TNFAIP8: variants seen among roughly 807,000 people sequenced by gnomAD.
TNFAIP8 encodes the protein TNF alpha induced protein 8, also known as tumor necrosis factor alpha-induced protein 8.
A neutral mutation model predicts 13.3 loss-of-function variants in TNFAIP8; 7 were observed. The observed-to-expected ratio is 0.52, with a 90% CI of 0.30 to 0.99. The LOEUF is 0.99. TNFAIP8 is among the 50% of genes least tolerant of loss of function. The pLI is 0.07. For synonymous variants in TNFAIP8, 94 were observed against 87.6 expected (o/e 1.07, Z -0.41); for missense variants, 258 against 236.9 (o/e 1.09, Z -0.58).
chr5:119,304,469 A>G (rs940879968), intron 1 of TNFAIP8, among the ~76,000 whole-genome samples: 2 of 152,172 alleles, frequency 1.3e-5, no homozygotes, highest in South Asian at 2.1e-4. Flanking sequence ...TAAACACACA[A>G]TTCCCTATAA....
At chr5:119,304,832 C>G (rs550753306) in intron 1 of TNFAIP8, among the ~76,000 whole-genome samples, 45 of 152,288 alleles carry the variant, frequency 3.0e-4, no homozygotes, top group African/African-American at 1.0e-3. Flanking sequence ...CTGTTTAATA[C>G]AAATTGATTG....
At chr5:119,369,461 T>G (rs1343631978) in intron 1 of TNFAIP8, among the ~76,000 whole-genome samples, 1 of 152,170 alleles carries the variant, frequency 6.6e-6, no homozygotes, top group Non-Finnish European at 1.5e-5. Context: ...CGTCTTCTAG[T>G]TTTTATGATG....
At chr5:119,336,328 G>A (rs1029160514) in intron 1 of TNFAIP8, among the ~76,000 whole-genome samples, 3 of 152,122 alleles carry the variant, frequency 2.0e-5, no homozygotes, top group East Asian at 1.9e-4. Flanking sequence ...GCACTCTTCC[G>A]GCCACCCTGC....
chr5:119,284,921 G>A (rs2150806857), intron 1 of TNFAIP8, among the ~76,000 whole-genome samples: 1 of 152,292 alleles, frequency 6.6e-6, no homozygotes, highest in South Asian at 2.1e-4. Context: ...TTCTAGTAGT[G>A]AGTTTGGTGG....
chr5:119,295,487 A>G lies in TNFAIP8; in HGVS notation c.1+26580A>G, dbSNP rs191947282. Among the ~76,000 whole-genome samples the G allele has an allele frequency of 2.1e-3, 321 of 151,962 alleles. 1 individual carries two copies. Among genetic ancestry groups the G allele is most frequent in the African/African-American group, 7.2e-3 (298 of 41,446 alleles). ...GGGCTCTGTTCTGTTCTGTTGATCT[A>G]TATCTCTGTTTTGGTACCAGTACCA... On this transcript the variant is annotated intron_variant, in intron 1 of 1. Transcript: ENST00000274456.
At chr5:119,350,258 C>T (rs1047120727) in intron 1 of TNFAIP8, among the ~76,000 whole-genome samples, 1 of 152,072 alleles carries the variant, frequency 6.6e-6, no homozygotes, top group Non-Finnish European at 1.5e-5. Context: ...TTGAATGTGC[C>T]GCTACTATGT....
intron 1 of TNFAIP8, among the ~76,000 whole-genome samples, chr5:119,282,611 GTCCCC>G (rs1748665424): frequency 6.6e-6 from 1 of 152,192 alleles, no homozygotes; most frequent in Non-Finnish European, 1.5e-5. Flanking sequence ...GGCCACTGTG[GTCCCC>G]ACGCCTGCTT....
chr5:119,371,752 G>A (rs1562025094), intron 1 of TNFAIP8, among the ~76,000 whole-genome samples: 1 of 152,168 alleles, frequency 6.6e-6, no homozygotes, highest in Non-Finnish European at 1.5e-5. Flanking sequence ...TCAGCGAGGC[G>A]TGGTGGCTCA....
At chr5:119,296,628 A>G (rs1313051600) in intron 1 of TNFAIP8, among the ~76,000 whole-genome samples, 1 of 152,210 alleles carries the variant, frequency 6.6e-6, no homozygotes, top group Non-Finnish European at 1.5e-5. Context: ...TATCAGGATG[A>G]TGCTGGCCTC....
chr5:119,296,404 T>C lies in TNFAIP8; in HGVS notation c.1+27497T>C, dbSNP rs912778651. Among the ~76,000 whole-genome samples, 15 of 152,068 alleles carry C rather than the reference T, an allele frequency of 9.9e-5. No individual in the cohort carries two copies. The East Asian group carries it at 1.7e-3, about 18-fold the overall frequency. On this transcript the variant is annotated intron_variant, in intron 1 of 1. Coordinates refer to the TNFAIP8 transcript ENST00000274456. ...ATAATCATGTGGTTTTTGTCTTTGG[T>C]TCTGTTTATATGCTGGATTACATTT...
At chr5:119,355,951 C>T (rs990780379), upstream of TNFAIP8, 13 of 1,457,310 alleles carry the variant, frequency 8.9e-6, no homozygotes, top group African/African-American at 1.4e-5. Flanking sequence ...ACCCGCTCTC[C>T]CGCCCCGGGG....
intron 1 of TNFAIP8, among the ~76,000 whole-genome samples, chr5:119,330,719 C>T (rs1332850838): frequency 1.3e-5 from 2 of 152,142 alleles, no homozygotes; most frequent in East Asian, 1.9e-4. Flanking sequence ...AGTACACACA[C>T]ACGGAAGGGA....
At chr5:119,386,975 C>CT in intron 1 of TNFAIP8, among the ~76,000 whole-genome samples, 1 of 131,560 alleles carries the variant, frequency 7.6e-6, no homozygotes, top group Non-Finnish European at 1.6e-5. Context: ...CCCTCCCTCC[C>CT]TCCCTCTCTT....
At chr5:119,281,779 C>T (rs1210181448) in intron 1 of TNFAIP8, among the ~76,000 whole-genome samples, 2 of 152,166 alleles carry the variant, frequency 1.3e-5, no homozygotes. Flanking sequence ...GTCCTCATAT[C>T]AGTGTCTCTA....
chr5:119,317,006 C>G (rs1749918331), intron 1 of TNFAIP8, among the ~76,000 whole-genome samples: 1 of 152,124 alleles, frequency 6.6e-6, no homozygotes, highest in South Asian at 2.1e-4. Flanking sequence ...AAAAATCAGG[C>G]TGAAGAAATG....
At chr5:119,372,297 T>G (rs2112815851) in intron 1 of TNFAIP8, among the ~76,000 whole-genome samples, 1 of 142,770 alleles carries the variant, frequency 7.0e-6, no homozygotes, top group Non-Finnish European at 1.5e-5. Flanking sequence ...TCACTCCAGC[T>G]TAGCAACAGA....
upstream of TNFAIP8, chr5:119,355,175 TATCAGC>T (rs1751337397): frequency 1.5e-6 from 1 of 650,530 alleles, no homozygotes; most frequent in African/African-American, 1.8e-5. Context: ...TTCTTTATTC[TATCAGC>T]ATTTCAAATC....
In TNFAIP8 at chr5:119,333,324, T is replaced by C. The variant is rs1049610543; in HGVS notation, c.2-59492T>C. 1.2e-5 allele frequency: 15 copies of C among 1,244,894 alleles called. No individual in the cohort carries two copies. In the African/African-American group the frequency reaches 2.0e-4, roughly 17 times the overall value. 77.1% of individuals were successfully genotyped at this position (1,244,894 alleles called of 1,614,324 possible). On this transcript the variant is annotated intron_variant, in intron 1 of 1. Transcript: ENST00000274456. ...GGACTCACAATTAAAGGCTACCTAA[T>C]GCATTCCACTACAAGTGACGAAACC...
At chr5:119,384,653 T>C (rs1184474685) in intron 1 of TNFAIP8, among the ~76,000 whole-genome samples, 1 of 152,194 alleles carries the variant, frequency 6.6e-6, no homozygotes, top group Non-Finnish European at 1.5e-5. Context: ...GGCTCTGACT[T>C]TGGGTAACCA....
Sources: gnomAD v4.1 joint callset for allele counts (sites outside exome capture counted in the v4.1 genomes callset) on GRCh38, gnomAD v4.1.1 for gene constraint, MANE v1.5 for transcripts, NCBI Gene and HGNC (gene_info 2026-07-23, HGNC 2026-07-21) for gene names.